MTHFD1: variants seen among roughly 807,000 people sequenced by gnomAD.
The protein encoded by MTHFD1 is C-1-tetrahydrofolate synthase, cytoplasmic.
MTHFD1 carries 44 observed loss-of-function variants against 110.3 expected under a neutral mutation model. The observed-to-expected ratio is 0.40, with a 90% CI of 0.31 to 0.51. MTHFD1 has a LOEUF of 0.51. Ranked by LOEUF, MTHFD1 falls within the 20% of genes least tolerant of loss-of-function variation. The pLI, the probability that MTHFD1 is intolerant of heterozygous loss-of-function variation, is 0.60. For synonymous variants in MTHFD1, 402 were observed against 428.8 expected (o/e 0.94, Z 0.77); for missense variants, 909 against 1,173.1 (o/e 0.77, Z 3.29).
Position 64,433,053 on chromosome 14 carries a change from C to T in MTHFD1, c.1494+1192C>T, listed in dbSNP as rs144109805. Among the ~76,000 whole-genome samples, 328 of 151,464 alleles carry T rather than the reference C, an allele frequency of 2.2e-3. 2 individuals carry two copies. In the South Asian group the frequency reaches 0.025, roughly 12 times the overall value. On this transcript the variant is annotated intron_variant, in intron 15 of 27. Coordinates refer to ENST00000652337, the MANE Select transcript of MTHFD1 (RefSeq NM_005956.4). ...TTGGGATTACTGGCGTGAGCCACCA[C>T]GTCTGGCCACAAGGGATTTTTTGTT...
chr14:64,396,541 G>A (rs952933411), intron 1 of MTHFD1, among the ~76,000 whole-genome samples: 5 of 149,750 alleles, frequency 3.3e-5, no homozygotes, highest in Admixed American at 6.7e-5. Flanking sequence ...ACAGGCATGC[G>A]CCACCGCTCC....
chr14:64,395,690 T>A (rs2140941775), intron 1 of MTHFD1, among the ~76,000 whole-genome samples: 1 of 152,236 alleles, frequency 6.6e-6, no homozygotes, highest in South Asian at 2.1e-4. Flanking sequence ...TCTTTTGGGT[T>A]GTCATATGGG....
chr14:64,448,790 G>A (rs2078321139), intron 23 of MTHFD1, among the ~76,000 whole-genome samples: 1 of 143,586 alleles, frequency 7.0e-6, no homozygotes, highest in Non-Finnish European at 1.5e-5. Context: ...AGTAGAATGG[G>A]AAGCAAAAAA....
intron 2 of MTHFD1, among the ~76,000 whole-genome samples, chr14:64,407,478 AG>A (rs150728505): frequency 0.012 from 1,785 of 150,980 alleles, 34 homozygotes; most frequent in African/African-American, 0.042. Flanking sequence ...AAAAAAAAAA[AG>A]TTTCTGGTAA....
At chr14:64,430,800 G>A (rs1440533457) in intron 13 of MTHFD1, among the ~76,000 whole-genome samples, 1 of 152,148 alleles carries the variant, frequency 6.6e-6, no homozygotes, top group Non-Finnish European at 1.5e-5. Context: ...GCATGGTATC[G>A]GGAAGCACCA....
intron 8 of MTHFD1, among the ~76,000 whole-genome samples, chr14:64,423,678 G>C (rs180900831): frequency 6.7e-6 from 1 of 148,258 alleles, no homozygotes; most frequent in Non-Finnish European, 1.5e-5. Context: ...TTACAGGTGT[G>C]AGCCACCACA....
chr14:64,417,498 A>G lies in MTHFD1; in HGVS notation c.479-390A>G, dbSNP rs957901925. On this transcript the variant is annotated intron_variant, in intron 6 of 27. Transcript: ENST00000652337. The surrounding 1 kb of genome is among the most constrained non-coding windows in gnomAD (Gnocchi z 4.4). ...AATCTAATTTCTTACACATCTCTCC[A>G]GCCTGTTACATACACCCTATTTGTT... is the stretch of plus-strand genomic sequence containing the variant. Among the ~76,000 whole-genome samples the G allele has an allele frequency of 6.6e-6, 1 of 152,240 alleles. No individual in the cohort carries two copies. The highest frequency in any genetic ancestry group is 6.5e-5 in the Admixed American group (1 of 15,286).
chr14:64,404,679 T>C (rs1399560858), intron 2 of MTHFD1, among the ~76,000 whole-genome samples: 1 of 152,112 alleles, frequency 6.6e-6, no homozygotes, highest in Non-Finnish European at 1.5e-5. Context: ...TCATCAAGAA[T>C]GTCAAGGTGG....
chr14:64,449,311 C>G (rs552710726), intron 23 of MTHFD1, 134 bp from the exon 24 acceptor site: 20 of 1,067,700 alleles, frequency 1.9e-5, no homozygotes, highest in Non-Finnish European at 2.5e-5. Flanking sequence ...AGCTGAGATT[C>G]AAACCCAGGC....
chr14:64,441,508 TG>T (rs1438800224), intron 19 of MTHFD1, 55 bp downstream of exon 19: 1 of 1,574,708 alleles, frequency 6.4e-7, no homozygotes, highest in Non-Finnish European at 8.7e-7. Context: ...CAGAGCAGAG[TG>T]GTTATAAAGC....
At chr14:64,440,443 G>C in intron 18 of MTHFD1, 177 bp downstream of exon 18, 1 of 778,468 alleles carries the variant, frequency 1.3e-6, no homozygotes, top group South Asian at 1.5e-5. Flanking sequence ...AAGTACATCA[G>C]AGTGAATAAT....
intron 8 of MTHFD1, chr14:64,423,107 C>A (rs998958163): frequency 3.3e-5 from 5 of 152,142 alleles, no homozygotes; most frequent in African/African-American, 9.6e-5. Flanking sequence ...ATTTCCTTGG[C>A]ATTTTGAAAT....
intron 3 of MTHFD1, among the ~76,000 whole-genome samples, chr14:64,412,192 C>G (rs2077990361): frequency 6.6e-6 from 1 of 152,140 alleles, no homozygotes; most frequent in African/African-American, 2.4e-5. Flanking sequence ...TTTGCATGAC[C>G]CAGTTCCCAG....
At chr14:64,428,124 T>C (rs1596545482) in intron 12 of MTHFD1, among the ~76,000 whole-genome samples, 2 of 148,866 alleles carry the variant, frequency 1.3e-5, no homozygotes, top group South Asian at 4.4e-4. Context: ...TTTTTTTTTT[T>C]TTTGAGACAG....
chr14:64,393,363 C>T (rs1482082201), intron 1 of MTHFD1, among the ~76,000 whole-genome samples: 9 of 151,798 alleles, frequency 5.9e-5, no homozygotes, highest in South Asian at 2.1e-4. Context: ...GCCAAGATGG[C>T]GCCATTGCAC....
At chr14:64,450,362 C>T (rs965623592) in intron 24 of MTHFD1, among the ~76,000 whole-genome samples, 1 of 152,130 alleles carries the variant, frequency 6.6e-6, no homozygotes, top group Non-Finnish European at 1.5e-5. Flanking sequence ...AAGAAGTGTG[C>T]CCCCACGTTC....
chr14:64,392,816 C>A (rs2077817323), intron 1 of MTHFD1, among the ~76,000 whole-genome samples: 2 of 152,078 alleles, frequency 1.3e-5, no homozygotes, highest in Non-Finnish European at 2.9e-5. Context: ...TAAATAGGTA[C>A]TTAGAAAGTA....
rs1324456385 is a variant in MTHFD1, at chr14:64,435,005, A to G, written c.1495-564A>G. 2.4e-5 allele frequency among the ~76,000 whole-genome samples: 3 copies of G among 127,632 alleles called. No homozygotes were observed. In the East Asian group the frequency reaches 7.7e-4, roughly 33 times the overall value. The allele number at this position is 127,632 out of a possible 152,430, so 83.7% of individuals were successfully genotyped here. A position where few individuals can be genotyped will look rare whatever the true frequency, so the allele number is the denominator to read the frequency against. On this transcript the variant is annotated intron_variant, in intron 15 of 27. Transcript: ENST00000652337. ...TGGAGTCTCACCCAGGCTGGAGTGC[A>G]GTGGCGTGATCTTGGCTTACTGCAA...
intron 22 of MTHFD1, among the ~76,000 whole-genome samples, chr14:64,447,377 AT>A (rs2078299169): frequency 1.3e-5 from 2 of 150,992 alleles, no homozygotes; most frequent in African/African-American, 4.9e-5. Context: ...TATAGTCTTA[AT>A]CTCTTGACCT....
Sources: allele counts gnomAD v4.1 joint callset (sites outside exome capture counted in the v4.1 genomes callset), GRCh38; gene constraint gnomAD v4.1.1; non-coding constraint Gnocchi (gnomAD v3.1); transcripts MANE v1.5; gene names NCBI Gene and HGNC (gene_info 2026-07-23, HGNC 2026-07-21).